CMC2: variants seen among roughly 807,000 people sequenced by gnomAD.
CMC2 encodes COX assembly mitochondrial protein 2 homolog.
A neutral mutation model predicts 7.5 loss-of-function variants in CMC2; 5 were observed. That is an observed-to-expected ratio of 0.66 (90% CI 0.35 to 1.40). The LOEUF is 1.40. Among genes scored for constraint, CMC2 ranks in the 40% most tolerant of loss-of-function variants. CMC2 has a pLI of 0.04. For missense variants in CMC2, 115 were observed against 92.3 expected (o/e 1.25, Z -1.01); for synonymous variants, 37 against 31.4 (o/e 1.18, Z -0.60).
chr16:81,004,619 G>C (rs560490398), intron 1 of CMC2, among the ~76,000 whole-genome samples: 1 of 152,202 alleles, frequency 6.6e-6, no homozygotes, highest in Non-Finnish European at 1.5e-5. Context: ...GCTGTCAAAT[G>C]TGTTTTGATA....
chr16:80,978,601 G>A (rs1966871617), intron 3 of CMC2, among the ~76,000 whole-genome samples: 1 of 152,002 alleles, frequency 6.6e-6, no homozygotes, highest in Admixed American at 6.5e-5. Flanking sequence ...CAGGTGCAGT[G>A]GCTCACACCT....
At chr16:80,977,312 G>C (rs1272245858) in intron 3 of CMC2, among the ~76,000 whole-genome samples, 1 of 152,152 alleles carries the variant, frequency 6.6e-6, no homozygotes, top group Non-Finnish European at 1.5e-5. Flanking sequence ...TTCTTAAATA[G>C]TTAACCTACA....
intron 2 of CMC2, among the ~76,000 whole-genome samples, chr16:80,994,766 A>C (rs1403824923): frequency 6.6e-6 from 1 of 152,228 alleles, no homozygotes; most frequent in Non-Finnish European, 1.5e-5. Context: ...GCCTTTTATG[A>C]AGGTACATAT....
intron 2 of CMC2, among the ~76,000 whole-genome samples, chr16:80,987,002 AG>A (rs1967594113): frequency 6.6e-6 from 1 of 152,240 alleles, no homozygotes; most frequent in South Asian, 2.1e-4. Flanking sequence ...AAGTTATGGT[AG>A]AAGCCTGTGG....
At chr16:80,991,629 G>C (rs1421240663) in intron 2 of CMC2, 2 of 201,538 alleles carry the variant, frequency 9.9e-6, no homozygotes, top group Non-Finnish European at 2.0e-5. Context: ...AGACATAGTG[G>C]ACCCTGTCTC....
At chr16:80,989,980 G>C (rs908777857) in intron 2 of CMC2, among the ~76,000 whole-genome samples, 5 of 152,026 alleles carry the variant, frequency 3.3e-5, no homozygotes, top group African/African-American at 1.2e-4. Context: ...CAAATTACTT[G>C]GGTTAGTTCA....
At position 80,971,202 on chromosome 16, in the gene CMC2, T is replaced by C. The variant is rs1213758195; in HGVS notation, c.*4891A>G. 1 of 152,170 alleles carries C rather than the reference T, an allele frequency of 6.6e-6. No homozygotes were observed. Among genetic ancestry groups the C allele is most frequent in the Non-Finnish European group, 1.5e-5 (1 of 68,036 alleles). The allele number at this position is 152,170 out of a possible 1,614,324, so 9.4% of individuals were successfully genotyped here. ...ATTTGGGGTGTAATTTAGCAACTTCTAGTAAGTTTGAAAATGCATACCTTA... is the reference window on the plus strand; with the variant it reads ...ATTTGGGGTGTAATTTAGCAACTTCCAGTAAGTTTGAAAATGCATACCTTA... On this transcript the variant is annotated 3_prime_UTR_variant, in exon 4 of 4. Transcript: ENST00000219400.
intron 3 of CMC2, 60 bp downstream of exon 3, chr16:80,981,746 A>C: frequency 9.1e-7 from 1 of 1,104,968 alleles, no homozygotes; most frequent in Non-Finnish European, 1.3e-6. Flanking sequence ...GTAATACACA[A>C]TATTCAAAAA....
chr16:80,974,484 G>A lies in CMC2; in HGVS notation c.*1609C>T, dbSNP rs998611978. ...TAAAATTCCAACAGATTTCAAAGCT[G>A]TCTATGATCTTCCTCCACTCTAAGC... On this transcript the variant is annotated 3_prime_UTR_variant, in exon 4 of 4. Coordinates refer to ENST00000219400, the MANE Select transcript of CMC2 (RefSeq NM_020188.5). The A allele has an allele frequency of 4.6e-5, 7 of 151,952 alleles. No individual in the cohort carries two copies. The highest frequency in any genetic ancestry group is 1.7e-4 in the African/African-American group (7 of 41,190). 9.4% of individuals were successfully genotyped at this position (151,952 alleles called of 1,614,324 possible).
intron 1 of CMC2, chr16:80,998,914 C>T (rs1379556029): frequency 6.7e-6 from 1 of 149,938 alleles, no homozygotes; most frequent in Admixed American, 6.8e-5. Flanking sequence ...TGATAAAAAC[C>T]CTCAACAAAC....
In CMC2 at chr16:80,970,896, C is replaced by A. The variant is rs536297681; in HGVS notation, c.*5197G>T. 1 of 152,076 alleles carries A rather than the reference C, an allele frequency of 6.6e-6. No individual in the cohort carries two copies. Among genetic ancestry groups the A allele is most frequent in the Non-Finnish European group, 1.5e-5 (1 of 68,014 alleles). The allele number at this position is 152,076 out of a possible 1,614,324, so 9.4% of individuals were successfully genotyped here. Reference sequence around the variant, plus strand: ...AAATACCCCTTAGACACAAATCTAGCAAAAGATGTATAAGAACACTATTTT... The same window carrying A: ...AAATACCCCTTAGACACAAATCTAGAAAAAGATGTATAAGAACACTATTTT... On this transcript the variant is annotated 3_prime_UTR_variant, in exon 4 of 4. Coordinates refer to ENST00000219400, the MANE Select transcript of CMC2 (RefSeq NM_020188.5).
rs1431326438 is a variant in CMC2, at chr16:80,974,523, T to C, written c.*1570A>G. On this transcript the variant is annotated 3_prime_UTR_variant, in exon 4 of 4. Coordinates refer to ENST00000219400, the MANE Select transcript of CMC2 (RefSeq NM_020188.5). ...TCCACTCTAAGCTCCCATATTCTAG[T>C]CATGCTAAATGCCTTAAAGTGCGCC... 6.6e-6 allele frequency: 1 copy of C among 150,426 alleles called. No homozygotes were observed. The highest frequency in any genetic ancestry group is 2.5e-5 in the African/African-American group (1 of 39,744). 9.3% of individuals were successfully genotyped at this position (150,426 alleles called of 1,614,324 possible). A position where few individuals can be genotyped will look rare whatever the true frequency, so the allele number is the denominator to read the frequency against.
At chr16:80,998,103 CTT>C (rs35026954) in intron 1 of CMC2, 77,995 of 127,936 alleles carry the variant, frequency 0.61, 23,939 homozygotes, top group Middle Eastern at 0.77. Context: ...GGCAGCTGTT[CTT>C]TTTTTTTTTT....
chr16:80,984,200 T>G (rs1967348419), intron 2 of CMC2: 1 of 152,226 alleles, frequency 6.6e-6, no homozygotes, highest in South Asian at 2.1e-4. Flanking sequence ...GTTAAGAACC[T>G]GAATTTCAGT....
intron 1 of CMC2, among the ~76,000 whole-genome samples, chr16:81,000,313 T>C (rs1597273479): frequency 6.6e-6 from 1 of 151,976 alleles, no homozygotes; most frequent in South Asian, 2.1e-4. Flanking sequence ...CTGGCCAATA[T>C]GGTGAAACCC....
At position 80,969,451 on chromosome 16, in the gene CMC2, G is replaced by A. The variant is rs1231650362; in HGVS notation, c.*6642C>T. The A allele has an allele frequency of 6.6e-6, 1 of 152,252 alleles. No individual in the cohort carries two copies. Among genetic ancestry groups the A allele is most frequent in the Non-Finnish European group, 1.5e-5 (1 of 68,080 alleles). The allele number at this position is 152,252 out of a possible 1,614,324, so 9.4% of individuals were successfully genotyped here. A position where few individuals can be genotyped will look rare whatever the true frequency, so the allele number is the denominator to read the frequency against. On this transcript the variant is annotated 3_prime_UTR_variant, in exon 4 of 4. Transcript: ENST00000219400. Reference sequence around the variant, plus strand: ...CCCACTTCAGTAAATGGGGCCCACAGGAAGGTCTGAAGGGGCTGGAACAAT... The same window carrying A: ...CCCACTTCAGTAAATGGGGCCCACAAGAAGGTCTGAAGGGGCTGGAACAAT...
At chr16:80,992,988 C>A (rs1204249789) in intron 2 of CMC2, among the ~76,000 whole-genome samples, 1 of 152,148 alleles carries the variant, frequency 6.6e-6, no homozygotes. Context: ...TACTTAGGCA[C>A]ACTTTCCCCA....
At chr16:80,990,320 G>A (rs9935739) in intron 2 of CMC2, among the ~76,000 whole-genome samples, 18,073 of 151,984 alleles carry the variant, frequency 0.12, 1,581 homozygotes, top group African/African-American at 0.24. Flanking sequence ...ACAGGGGTCC[G>A]CCACCACGCA....
At chr16:80,994,467 TAC>T (rs1968251090) in intron 2 of CMC2, among the ~76,000 whole-genome samples, 1 of 149,320 alleles carries the variant, frequency 6.7e-6, no homozygotes. Flanking sequence ...ATATTCACAA[TAC>T]ACTTATCAAA....
Sources: gnomAD v4.1 joint callset for allele counts (sites outside exome capture counted in the v4.1 genomes callset) on GRCh38, gnomAD v4.1.1 for gene constraint, MANE v1.5 for transcripts, NCBI Gene and HGNC (gene_info 2026-07-23, HGNC 2026-07-21) for gene names.